HMCN1: variants seen among roughly 807,000 people sequenced by gnomAD.
The protein encoded by HMCN1 is hemicentin-1.
In HMCN1, 321 loss-of-function variants were observed where a neutral mutation model predicts 625.9. The ratio of observed to expected loss-of-function variants is 0.51; its 90% confidence interval spans 0.47 to 0.56. HMCN1 has a LOEUF of 0.56. HMCN1 is among the 20% of genes least tolerant of loss of function. The pLI, the probability that HMCN1 is intolerant of heterozygous loss-of-function variation, is 0.00. For synonymous variants in HMCN1, 2,425 were observed against 2,417.6 expected (o/e 1.00, Z -0.09); for missense variants, 6,588 against 6,887.3 (o/e 0.96, Z 1.54).
intron 1 of HMCN1, among the ~76,000 whole-genome samples, chr1:185,820,963 C>T (rs1023488739): frequency 2.0e-5 from 3 of 151,802 alleles, no homozygotes; most frequent in African/African-American, 7.3e-5. Context: ...TTCTAATCAT[C>T]TAATTTTAAA....
intron 25 of HMCN1, among the ~76,000 whole-genome samples, chr1:185,999,478 T>TTC (rs1653030262): frequency 6.6e-6 from 1 of 152,114 alleles, no homozygotes; most frequent in Non-Finnish European, 1.5e-5. Flanking sequence ...CAACTACCAT[T>TTC]TCAAGAATTG....
At chr1:186,066,279 GTTCATTCATTCATTCA>G (rs377381395) in intron 49 of HMCN1, among the ~76,000 whole-genome samples, 1 of 151,796 alleles carries the variant, frequency 6.6e-6, no homozygotes, top group South Asian at 2.1e-4. Flanking sequence ...TTATATATAT[GTTCATTCATTCATTCA>G]TTCATTCATT....
In HMCN1 at chr1:185,864,501, G is replaced by A. The variant is rs753588263; in HGVS notation, c.371G>A (p.Gly124Glu). The A allele has an allele frequency of 6.2e-6, 10 of 1,613,994 alleles. No individual in the cohort carries two copies. In the Admixed American group the frequency reaches 1.5e-4, roughly 24 times the overall value. Reference sequence around the variant, plus strand: ...GGTGATTGCCCAGAAATGAGTATTGGAGCTATAAAAATTGCCTTGGAAATT... The same window carrying A: ...GGTGATTGCCCAGAAATGAGTATTGAAGCTATAAAAATTGCCTTGGAAATT... ...GGGDCPEMSI[G>E]AIKIALEISL... The change falls in exon 3 of 107, where the codon GGA becomes GAA. Residue 124 changes from glycine to glutamate, a missense_variant. Around this residue, in one of 3 missense-constraint regions of HMCN1, gnomAD observed 4,628 missense variants for 4,853.1 expected, o/e 0.95. Coordinates refer to ENST00000271588, the MANE Select transcript of HMCN1 (RefSeq NM_031935.3).
At chr1:186,164,250 T>TTTTTTG (rs1229803469) in intron 97 of HMCN1, among the ~76,000 whole-genome samples, 75 of 150,670 alleles carry the variant, frequency 5.0e-4, no homozygotes, top group African/African-American at 1.8e-3. Flanking sequence ...CTTTTTTTTT[T>TTTTTTG]TTTTTTTGAG....
At chr1:186,163,004 C>T (rs1224950309) in intron 97 of HMCN1, among the ~76,000 whole-genome samples, 3 of 152,206 alleles carry the variant, frequency 2.0e-5, no homozygotes, top group Admixed American at 6.5e-5. Context: ...TGCCCTGCCC[C>T]CAGAGGTGGA....
At chr1:185,787,020 G>A (rs1176163361) in intron 1 of HMCN1, among the ~76,000 whole-genome samples, 1 of 152,062 alleles carries the variant, frequency 6.6e-6, no homozygotes, top group African/African-American at 2.4e-5. Context: ...CTATTTTAAT[G>A]TAATTTAATA....
At position 186,144,596 on chromosome 1, in the gene HMCN1, C is replaced by T. The variant is rs1373522788; in HGVS notation, c.14159C>T (p.Ala4720Val). 3 of 1,613,866 alleles carry T rather than the reference C, an allele frequency of 1.9e-6. No individual in the cohort carries two copies. Among genetic ancestry groups the T allele is most frequent in the Non-Finnish European group, 2.5e-6 (3 of 1,179,986 alleles). The change falls in exon 91 of 107, where the codon GCC (alanine) becomes GTC (valine). Residue 4720 changes from alanine (A) to valine (V), a missense_variant. This residue lies in a region of HMCN1 where 1,954 missense variants were observed against 2,013.1 expected (regional missense o/e 0.97). Coordinates refer to ENST00000271588, the MANE Select transcript of HMCN1 (RefSeq NM_031935.3). ...SACSVSCGGGARQRTRGCSDP... is the reference protein window; with the variant it reads ...SACSVSCGGGVRQRTRGCSDP... ...TGTTCTGTGTCATGTGGAGGAGGTG[C>T]CAGACAGAGAACAAGGGGCTGCTCC...
chr1:185,760,536 T>A (rs1028956551), intron 1 of HMCN1, among the ~76,000 whole-genome samples: 8 of 152,198 alleles, frequency 5.3e-5, no homozygotes, highest in African/African-American at 1.9e-4. Context: ...ATTTATTCAT[T>A]AAATATTTAT....
At chr1:185,861,019 G>C (rs1319144177) in intron 2 of HMCN1, among the ~76,000 whole-genome samples, 1 of 152,010 alleles carries the variant, frequency 6.6e-6, no homozygotes. Flanking sequence ...TTTTTTTAGG[G>C]CTGCATTCAA....
chr1:185,880,525 C>T (rs1331752745), intron 4 of HMCN1, among the ~76,000 whole-genome samples: 1 of 152,162 alleles, frequency 6.6e-6, no homozygotes, highest in African/African-American at 2.4e-5. Context: ...CAACCACCAA[C>T]TAAATTTGAG....
At chr1:186,071,746 G>A (rs1272684140) in intron 52 of HMCN1, among the ~76,000 whole-genome samples, 3 of 152,174 alleles carry the variant, frequency 2.0e-5, no homozygotes, top group Non-Finnish European at 2.9e-5. Context: ...ATTGCAAAAG[G>A]GAAAATATAG....
rs1241101467 is a variant in HMCN1, at chr1:186,117,543, T to C, written c.11768T>C (p.Val3923Ala). ...GTAATTACCTGCACTGCTTCGGGAG[T>C]TCCATTTCCCTCAATTCACTGGACC... The part of the protein sequence containing the change: ...PAVITCTASG[V>A]PFPSIHWTKN... The change falls in exon 77 of 107, where the codon GTT becomes GCT. Residue 3923 changes from valine to alanine, a missense_variant. This residue lies in a region of HMCN1 where 4,628 missense variants were observed against 4,853.1 expected (regional missense o/e 0.95). Transcript: ENST00000271588. 6.2e-7 allele frequency: 1 copy of C among 1,613,814 alleles called. No individual in the cohort carries two copies. The highest frequency in any genetic ancestry group is 1.1e-5 in the South Asian group (1 of 91,066).
At chr1:185,814,175 A>G (rs1229199545) in intron 1 of HMCN1, among the ~76,000 whole-genome samples, 1 of 152,188 alleles carries the variant, frequency 6.6e-6, no homozygotes, top group Non-Finnish European at 1.5e-5. Flanking sequence ...AGAGGCCTTC[A>G]CAATCGAGTC....
intron 76 of HMCN1, 58 bp from the exon 77 acceptor site, chr1:186,117,401 A>C: frequency 3.2e-6 from 5 of 1,580,424 alleles, no homozygotes; most frequent in Non-Finnish European, 4.3e-6. Flanking sequence ...GTCTTTGGAA[A>C]TCTTTAAGGG....
At position 186,132,350 on chromosome 1, in the gene HMCN1, C is replaced by T. The variant is rs370337915; in HGVS notation, c.13253C>T (p.Thr4418Ile). The T allele has an allele frequency of 4.9e-5, 79 of 1,612,656 alleles. No individual in the cohort carries two copies. Among genetic ancestry groups the T allele is most frequent in the Non-Finnish European group, 5.8e-5 (68 of 1,179,370 alleles). The part of the protein sequence containing the change: ...GTVNEDAGDY[T>I]CVATNEAGVV... ...TAGAATGAAGATGCCGGTGACTATA[C>T]ATGTGTAGCTACCAATGAAGCTGGG... Residue 4418 changes from threonine to isoleucine, a missense_variant, in exon 86 of 107, where the codon ACA becomes ATA. Physicochemically the swap from Thr to Ile is moderately conservative, Grantham distance 89. This residue lies in a region of HMCN1 where 1,954 missense variants were observed against 2,013.1 expected (regional missense o/e 0.97). Transcript: ENST00000271588.
At chr1:185,925,296 A>G (rs1667223127) in intron 9 of HMCN1, 105 bp downstream of exon 9, 31 of 1,100,024 alleles carry the variant, frequency 2.8e-5, no homozygotes, top group Non-Finnish European at 4.3e-5. Context: ...CACTTGCTAC[A>G]TAGTCTGGAA....
chr1:186,140,793 T>C (rs982136957), intron 89 of HMCN1, among the ~76,000 whole-genome samples: 2 of 152,174 alleles, frequency 1.3e-5, no homozygotes, highest in Admixed American at 6.6e-5. Flanking sequence ...TTCTTTACTT[T>C]GTGATTTATA....
intron 1 of HMCN1, among the ~76,000 whole-genome samples, chr1:185,743,315 C>A (rs985592239): frequency 1.3e-5 from 2 of 152,164 alleles, no homozygotes; most frequent in African/African-American, 4.8e-5. Flanking sequence ...GAATACAATT[C>A]ACAACATAAT....
In HMCN1 at chr1:185,865,836, C is replaced by G. The variant is rs1382914230; in HGVS notation, c.594C>G (p.Phe198Leu). The change falls in exon 4 of 107, where the codon TTC (phenylalanine) becomes TTG (leucine). Residue 198 changes from phenylalanine (F) to leucine (L), a missense_variant. Coordinates refer to ENST00000271588, the MANE Select transcript of HMCN1 (RefSeq NM_031935.3). Reference protein sequence around the residue: ...EIASTSSGQVFHLDKKQVNEV... With the variant: ...EIASTSSGQVLHLDKKQVNEV... ...CCTCTACAAGTTCTGGTCAAGTGTTCCATCTGGACAAAAAACAAGTTAATG... is the reference window on the plus strand; with the variant it reads ...CCTCTACAAGTTCTGGTCAAGTGTTGCATCTGGACAAAAAACAAGTTAATG... 1 of 1,612,988 alleles carries G rather than the reference C, an allele frequency of 6.2e-7. No homozygotes were observed. The highest frequency in any genetic ancestry group is 1.7e-4 in the Middle Eastern group (1 of 6,054).
Sources: allele counts gnomAD v4.1 joint callset (sites outside exome capture counted in the v4.1 genomes callset), GRCh38; gene constraint gnomAD v4.1.1; regional missense constraint gnomAD v4.1.1; transcripts MANE v1.5; gene names NCBI Gene and HGNC (gene_info 2026-07-23, HGNC 2026-07-21).